MAP3K20: variants seen among roughly 807,000 people sequenced by gnomAD.
The protein encoded by MAP3K20 is mitogen-activated protein kinase kinase kinase 20.
MAP3K20 carries 40 observed loss-of-function variants against 85.7 expected under a neutral mutation model. That is an observed-to-expected ratio of 0.47 (90% CI 0.36 to 0.61). The LOEUF is 0.61. Ranked by LOEUF, MAP3K20 falls within the 20% of genes least tolerant of loss-of-function variation. The pLI is 0.00. For synonymous variants in MAP3K20, 325 were observed against 327.7 expected, an observed-to-expected ratio of 0.99 and a Z score of 0.09; for missense variants, 817 against 961.7, an observed-to-expected ratio of 0.85 and a Z score of 1.99.
In MAP3K20 at chr2:173,223,277, T is replaced by C. The variant is rs567497989; in HGVS notation, c.987+6027T>C. The C allele has an allele frequency of 3.8e-5, 37 of 979,268 alleles. No individual in the cohort carries two copies. In the East Asian group the frequency reaches 4.0e-3, roughly 105 times the overall value. 60.7% of individuals were successfully genotyped at this position (979,268 alleles called of 1,614,324 possible). On this transcript the variant is annotated intron_variant, in intron 11 of 19. Coordinates refer to ENST00000375213, the MANE Select transcript of MAP3K20 (RefSeq NM_016653.3). ...CACTCAGAATCCTGGGCTCAGTTGC[T>C]TGACAACCTTGGGAAAATTGTTTTA...
chr2:173,086,780 C>T (rs1392574243), intron 1 of MAP3K20, among the ~76,000 whole-genome samples: 1 of 152,220 alleles, frequency 6.6e-6, no homozygotes, highest in Non-Finnish European at 1.5e-5. Context: ...TGTTCTGCAG[C>T]ATAAGGCTTA....
At chr2:173,225,914 A>AG in intron 11 of MAP3K20, 13 of 985,084 alleles carry the variant, frequency 1.3e-5, no homozygotes, top group Non-Finnish European at 1.6e-5. Flanking sequence ...CAATTAAAAA[A>AG]AAAAAAGAAA....
intron 2 of MAP3K20, among the ~76,000 whole-genome samples, chr2:173,161,831 C>T (rs559144188): frequency 3.9e-5 from 6 of 152,194 alleles, no homozygotes; most frequent in African/African-American, 1.4e-4. Context: ...GTTCCAGAGC[C>T]GTATCGGGAG....
At chr2:173,243,944 A>C (rs896128798) in intron 16 of MAP3K20, among the ~76,000 whole-genome samples, 6 of 152,206 alleles carry the variant, frequency 3.9e-5, no homozygotes, top group African/African-American at 1.4e-4. Context: ...CGTTTTTAAC[A>C]GATCTTTCAG....
intron 2 of MAP3K20, among the ~76,000 whole-genome samples, chr2:173,115,686 C>T (rs1277219053): frequency 6.6e-6 from 1 of 152,150 alleles, no homozygotes; most frequent in Non-Finnish European, 1.5e-5. Context: ...TGTCCGTCTT[C>T]TGGGTCTAGC....
intron 12 of MAP3K20, among the ~76,000 whole-genome samples, chr2:173,230,974 C>T (rs1350570245): frequency 6.6e-6 from 1 of 151,818 alleles, no homozygotes; most frequent in East Asian, 1.9e-4. Flanking sequence ...CCAGCCTGGG[C>T]AACAGAGCAA....
At chr2:173,160,174 T>C (rs1689605648) in intron 2 of MAP3K20, 1 of 152,220 alleles carries the variant, frequency 6.6e-6, no homozygotes, top group Admixed American at 6.5e-5. Flanking sequence ...TTTATTGCCC[T>C]GAATACTAAA....
At chr2:173,143,759 T>A (rs1431556882) in intron 2 of MAP3K20, among the ~76,000 whole-genome samples, 1 of 152,150 alleles carries the variant, frequency 6.6e-6, no homozygotes, top group Non-Finnish European at 1.5e-5. Flanking sequence ...TAAATGATTG[T>A]TTACATAAAA....
At chr2:173,214,794 G>A (rs1039732127) in intron 10 of MAP3K20, among the ~76,000 whole-genome samples, 3 of 152,108 alleles carry the variant, frequency 2.0e-5, no homozygotes, top group African/African-American at 7.2e-5. Context: ...TATATTTTTA[G>A]AACAAGAAGT....
intron 2 of MAP3K20, among the ~76,000 whole-genome samples, chr2:173,094,246 T>C (rs1687392721): frequency 6.6e-6 from 1 of 152,234 alleles, no homozygotes. Flanking sequence ...ATTTTACATT[T>C]GCTTTTTCTC....
At chr2:173,076,307 C>T (rs1444060889) in intron 1 of MAP3K20, among the ~76,000 whole-genome samples, 1 of 152,006 alleles carries the variant, frequency 6.6e-6, no homozygotes, top group Admixed American at 6.5e-5. Context: ...GAAGTTGGCG[C>T]CTGGAGGCGC....
intron 2 of MAP3K20, among the ~76,000 whole-genome samples, chr2:173,163,130 T>C (rs557143935): frequency 8.5e-5 from 13 of 152,334 alleles, no homozygotes; most frequent in Non-Finnish European, 1.6e-4. Context: ...AAAACAAGCT[T>C]TTTAACTTTT....
chr2:173,159,170 A>G (rs1689568064), intron 2 of MAP3K20, among the ~76,000 whole-genome samples: 2 of 152,214 alleles, frequency 1.3e-5, no homozygotes, highest in Admixed American at 6.5e-5. Context: ...TCAATTTCGT[A>G]GATGCCTAAT....
At chr2:173,200,720 C>T (rs1157546377) in intron 8 of MAP3K20, among the ~76,000 whole-genome samples, 1 of 152,008 alleles carries the variant, frequency 6.6e-6, no homozygotes, top group Admixed American at 6.6e-5. Flanking sequence ...CCCTTGAGTC[C>T]GGGAGGTCAA....
At chr2:173,242,630 A>G (rs1684814612) in intron 16 of MAP3K20, among the ~76,000 whole-genome samples, 1 of 151,408 alleles carries the variant, frequency 6.6e-6, no homozygotes, top group Non-Finnish European at 1.5e-5. Context: ...TAGATTATCT[A>G]CAAGCCCTAA....
chr2:173,232,081 G>T, intron 12 of MAP3K20, 111 bp from the exon 13 acceptor site: 1 of 1,335,544 alleles, frequency 7.5e-7, no homozygotes, highest in Non-Finnish European at 1.1e-6. Context: ...CTTTGTGGTT[G>T]AGCCAGGAAT....
At chr2:173,114,176 A>C (rs1688052565) in intron 2 of MAP3K20, among the ~76,000 whole-genome samples, 1 of 152,080 alleles carries the variant, frequency 6.6e-6, no homozygotes, top group Non-Finnish European at 1.5e-5. Flanking sequence ...CTGTTGCTTT[A>C]AAGTTTGTTT....
intron 4 of MAP3K20, 128 bp from the exon 5 acceptor site, chr2:173,187,430 A>G (rs1361670057): frequency 4.3e-6 from 3 of 693,614 alleles, no homozygotes; most frequent in African/African-American, 3.7e-5. Flanking sequence ...TTTTCATTTT[A>G]TCAGTCATGG....
Position 173,247,420 on chromosome 2 carries a change from T to C in MAP3K20, c.1359+7924T>C, listed in dbSNP as rs150854944. Among the ~76,000 whole-genome samples the C allele has an allele frequency of 1.1e-3, 167 of 152,296 alleles. 2 individuals carry two copies. The highest frequency in any genetic ancestry group is 3.9e-3 in the African/African-American group (161 of 41,556). Reference sequence around the variant, plus strand: ...ACAGGGCACAAAGAAAAGGATTTTGTAAGTATAAAGCCAACACTTTTTGGA... The same window carrying C: ...ACAGGGCACAAAGAAAAGGATTTTGCAAGTATAAAGCCAACACTTTTTGGA... On this transcript the variant is annotated intron_variant, in intron 16 of 19. Transcript: ENST00000375213.
Sources: gnomAD v4.1 joint callset for allele counts (sites outside exome capture counted in the v4.1 genomes callset) on GRCh38, gnomAD v4.1.1 for gene constraint, MANE v1.5 for transcripts, NCBI Gene and HGNC (gene_info 2026-07-23, HGNC 2026-07-21) for gene names.